PLEKHG1: variants seen among roughly 807,000 people sequenced by gnomAD.
PLEKHG1 encodes pleckstrin homology domain-containing family G member 1.
PLEKHG1 carries 44 observed loss-of-function variants against 100.8 expected under a neutral mutation model. That is an observed-to-expected ratio of 0.44 (90% CI 0.34 to 0.56). The LOEUF is 0.56. Ranked by LOEUF, PLEKHG1 falls within the 20% of genes least tolerant of loss-of-function variation. The pLI is 0.01. For missense variants in PLEKHG1, 1,545 were observed against 1,720.9 expected, an observed-to-expected ratio of 0.90 and a Z score of 1.81; for synonymous variants, 640 against 662.5, an observed-to-expected ratio of 0.97 and a Z score of 0.52.
chr6:150,674,627 T>TCC (rs34130366), intron 3 of PLEKHG1, among the ~76,000 whole-genome samples: 4 of 60,046 alleles, frequency 6.7e-5, no homozygotes, highest in African/African-American at 1.8e-4. Flanking sequence ...TTTCTCTCTC[T>TCC]CCTCCCTCTC....
At chr6:150,782,275 G>T (rs1299724319) in intron 3 of PLEKHG1, among the ~76,000 whole-genome samples, 1 of 151,998 alleles carries the variant, frequency 6.6e-6, no homozygotes, top group Non-Finnish European at 1.5e-5. Flanking sequence ...AAAGTTAGCT[G>T]GGCATGGTGG....
chr6:150,633,969 T>C (rs9372081), intron 1 of PLEKHG1, among the ~76,000 whole-genome samples: 53,780 of 151,588 alleles, frequency 0.35, 10,765 homozygotes, highest in African/African-American at 0.56. Flanking sequence ...AGGCTGGGCG[T>C]GGTGGCTCAG....
At chr6:150,744,178 G>T (rs1220802713) in intron 2 of PLEKHG1, among the ~76,000 whole-genome samples, 1 of 152,152 alleles carries the variant, frequency 6.6e-6, no homozygotes, top group Non-Finnish European at 1.5e-5. Context: ...GGGTTCAAGT[G>T]ATTCTCCTGC....
chr6:150,781,009 G>C (rs1427203280), intron 3 of PLEKHG1, among the ~76,000 whole-genome samples: 2 of 151,524 alleles, frequency 1.3e-5, no homozygotes, highest in East Asian at 4.0e-4. Context: ...GAGTAGCTAG[G>C]ATTACAAGCA....
chr6:150,715,687 G>A (rs1781401734), intron 3 of PLEKHG1, among the ~76,000 whole-genome samples: 1 of 150,436 alleles, frequency 6.6e-6, no homozygotes, highest in South Asian at 2.1e-4. Flanking sequence ...ACAGGGTTTT[G>A]CCATGTAGGC....
chr6:150,678,671 C>T (rs151098773), intron 3 of PLEKHG1, among the ~76,000 whole-genome samples: 322 of 152,288 alleles, frequency 2.1e-3, no homozygotes, highest in Non-Finnish European at 3.7e-3. Context: ...TAAGGTTCTG[C>T]ACCAATCTAA....
chr6:150,789,829 G>T (rs189889854), intron 4 of PLEKHG1, among the ~76,000 whole-genome samples: 189 of 152,182 alleles, frequency 1.2e-3, no homozygotes, highest in African/African-American at 4.3e-3. Flanking sequence ...AGTCACTCTG[G>T]CATTTTCATC....
At chr6:150,678,915 A>G (rs1372368739) in intron 3 of PLEKHG1, among the ~76,000 whole-genome samples, 2 of 152,242 alleles carry the variant, frequency 1.3e-5, no homozygotes, top group African/African-American at 4.8e-5. Flanking sequence ...CTGATATTGC[A>G]GTTTTAAAAC....
intron 3 of PLEKHG1, among the ~76,000 whole-genome samples, chr6:150,783,919 T>A (rs1232390240): frequency 6.6e-6 from 1 of 152,214 alleles, no homozygotes; most frequent in Non-Finnish European, 1.5e-5. Flanking sequence ...GTTTTACATT[T>A]TTACAGATCT....
At chr6:150,803,258 C>T (rs1039414289) in intron 6 of PLEKHG1, among the ~76,000 whole-genome samples, 2 of 152,198 alleles carry the variant, frequency 1.3e-5, no homozygotes, top group African/African-American at 4.8e-5. Flanking sequence ...TGCACCATAA[C>T]ATTTAACCTC....
At chr6:150,795,870 C>T (rs923151357) in exon 5 of PLEKHG1, 5 of 1,603,148 alleles carry the variant, frequency 3.1e-6, no homozygotes, top group Non-Finnish European at 4.3e-6. Flanking sequence ...AAGAGTTCCA[C>T]ATTTATACCC....
At chr6:150,811,745 G>A (rs576538066) in intron 10 of PLEKHG1, among the ~76,000 whole-genome samples, 1 of 152,218 alleles carries the variant, frequency 6.6e-6, no homozygotes, top group South Asian at 2.1e-4. Context: ...GGGCAGGGAC[G>A]GGAAGGGCAG....
At chr6:150,813,459 C>T (rs117549901) in intron 10 of PLEKHG1, among the ~76,000 whole-genome samples, 1 of 144,012 alleles carries the variant, frequency 6.9e-6, no homozygotes, top group East Asian at 2.3e-4. Flanking sequence ...TGGTGAAAAC[C>T]GTGGTGTGTG....
chr6:150,670,589 A>G (rs972119322), intron 3 of PLEKHG1, among the ~76,000 whole-genome samples: 1 of 152,204 alleles, frequency 6.6e-6, no homozygotes. Flanking sequence ...ATGCTTTTGC[A>G]TTCTTGTGCT....
chr6:150,617,901 G>A (rs1341644776), intron 1 of PLEKHG1, among the ~76,000 whole-genome samples: 1 of 152,174 alleles, frequency 6.6e-6, no homozygotes, highest in Non-Finnish European at 1.5e-5. Context: ...TGAAACACAG[G>A]AGCACTGGAA....
intron 3 of PLEKHG1, chr6:150,663,735 G>A (rs1044180767): frequency 3.3e-5 from 5 of 152,060 alleles, no homozygotes; most frequent in African/African-American, 9.7e-5. Flanking sequence ...TGTGTTTTTA[G>A]TAGAGACGGG....
Position 150,677,344 on chromosome 6 carries a change from T to C in PLEKHG1, c.-99+26558T>C, listed in dbSNP as rs1002722314. ...CACCACCAGTTTCTACCCTACTGCA[T>C]TGCTTGGAGTTTCACTGGATAGGCA... On this transcript the variant is annotated intron_variant, in intron 3 of 3. Transcript: ENST00000367326. Among the ~76,000 whole-genome samples, 7 of 151,664 alleles carry C rather than the reference T, an allele frequency of 4.6e-5. No homozygotes were observed. The East Asian group carries it at 1.2e-3, about 25-fold the overall frequency.
chr6:150,734,087 G>T, exon 2 of PLEKHG1: 1 of 1,607,674 alleles, frequency 6.2e-7, no homozygotes, highest in Non-Finnish European at 8.5e-7. Flanking sequence ...AAAAAGCATC[G>T]TAGAGGTAAG....
At chr6:150,610,193 C>A (rs1172222021) in intron 1 of PLEKHG1, among the ~76,000 whole-genome samples, 2 of 152,208 alleles carry the variant, frequency 1.3e-5, no homozygotes, top group African/African-American at 2.4e-5. Flanking sequence ...CGTCTGCCTC[C>A]TGGGTTCAAG....
Sources: allele counts gnomAD v4.1 joint callset (sites outside exome capture counted in the v4.1 genomes callset), GRCh38; gene constraint gnomAD v4.1.1; transcripts MANE v1.5; gene names NCBI Gene and HGNC (gene_info 2026-07-23, HGNC 2026-07-21).